The following SLC43A1 variants were observed in gnomAD, a reference collection of about 807,000 sequenced individuals.
The protein encoded by SLC43A1 is large neutral amino acids transporter small subunit 3.
A neutral mutation model predicts 59.5 loss-of-function variants in SLC43A1; 31 were observed. That is an observed-to-expected ratio of 0.52 (90% CI 0.39 to 0.70). The LOEUF (loss-of-function observed/expected upper bound fraction) is 0.70. Among genes scored for constraint, SLC43A1 ranks in the 30% least tolerant of loss-of-function variants. SLC43A1 has a pLI of 0.00. For synonymous variants in SLC43A1, 259 were observed against 290.9 expected (o/e 0.89, Z 1.12); for missense variants, 598 against 717.8 (o/e 0.83, Z 1.91).
At chr11:57,493,905 C>T (rs1279759878) in intron 8 of SLC43A1, 88 bp downstream of exon 8, 8 of 1,326,982 alleles carry the variant, frequency 6.0e-6, no homozygotes, top group East Asian at 5.2e-5. Flanking sequence ...AAGAGGGGTG[C>T]GAATAAATAC....
chr11:57,491,676 C>T, intron 9 of SLC43A1, 40 bp downstream of exon 9: 2 of 1,614,208 alleles, frequency 1.2e-6, no homozygotes, highest in South Asian at 2.2e-5. Flanking sequence ...GGGTGACCCG[C>T]CTGTGCCCCC....
At chr11:57,492,817 GCAT>G (rs1299450205) in intron 8 of SLC43A1, among the ~76,000 whole-genome samples, 1 of 150,374 alleles carries the variant, frequency 6.7e-6, no homozygotes, top group Non-Finnish European at 1.5e-5. Flanking sequence ...TGAGGCAGGA[GCAT>G]CATGAGGTCA....
At chr11:57,492,221 T>A (rs10750864) in intron 8 of SLC43A1, among the ~76,000 whole-genome samples, 94,590 of 130,912 alleles carry the variant, frequency 0.72, 34,330 homozygotes, top group East Asian at 0.88. Flanking sequence ...ATATATATAT[T>A]TATTTATTTA....
At chr11:57,486,994 C>T (rs563272547) in intron 14 of SLC43A1, 101 bp downstream of exon 14, 80 of 1,303,024 alleles carry the variant, frequency 6.1e-5, no homozygotes, top group Non-Finnish European at 8.7e-5. Flanking sequence ...CTCTGAGGTG[C>T]CTCTGGCTGA....
chr11:57,494,925 C>T (rs1051284630), intron 7 of SLC43A1, among the ~76,000 whole-genome samples: 4 of 151,786 alleles, frequency 2.6e-5, no homozygotes, highest in East Asian at 2.0e-4. Context: ...CTCGGCTCAC[C>T]GCAACCTCAG....
Position 57,496,052 on chromosome 11 carries a change from G to A in SLC43A1, c.671C>T (p.Ala224Val). 6.2e-7 allele frequency: 1 copy of A among 1,614,054 alleles called. No individual in the cohort carries two copies. Among genetic ancestry groups the A allele is most frequent in the Non-Finnish European group, 8.5e-7 (1 of 1,179,974 alleles). Residue 224 changes from alanine to valine, a missense_variant, in exon 7 of 15, where the codon GCC (alanine) becomes GTC (valine). Ala to Val is a moderately conservative substitution (Grantham distance 64). Coordinates refer to ENST00000278426, the MANE Select transcript of SLC43A1 (RefSeq NM_003627.6). ...TCACGTGTAATTGACTTCCTCAGGG[G>A]CAGGAAAGGCTTCGATGGGCCAGTT... ...TLNWPIEAFP[A>V]PEEVNYTKKI...
chr11:57,513,934 C>A, intron 2 of SLC43A1, 24 bp downstream of exon 2: 3 of 1,174,548 alleles, frequency 2.6e-6, no homozygotes, highest in East Asian at 2.5e-5. Flanking sequence ...CCCCCCAGCC[C>A]ACCCAGCCCA....
intron 2 of SLC43A1, among the ~76,000 whole-genome samples, chr11:57,510,286 AT>A (rs1024090965): frequency 3.3e-5 from 5 of 151,610 alleles, no homozygotes; most frequent in Non-Finnish European, 7.4e-5. Flanking sequence ...GTGAAACCCC[AT>A]CTCTACTGAA....
rs775099495 is a variant in SLC43A1, at chr11:57,491,823, A to G, written c.911T>C (p.Phe304Ser). ...GCCCATGGTGAGGAGGCTCCACAGG[A>G]AAGTGGGGGAGCAGAGGCTCTTGCG... ...PLRKSLCSPT[F>S]LWSLLTMGMT... The change falls in exon 9 of 15, where the codon TTC becomes TCC. Residue 304 changes from phenylalanine to serine, a missense_variant. By Grantham distance (155) the Phe-to-Ser change is radical (BLOSUM62 -2). Coordinates refer to ENST00000278426, the MANE Select transcript of SLC43A1 (RefSeq NM_003627.6). 6.2e-7 allele frequency: 1 copy of G among 1,614,128 alleles called. No individual in the cohort carries two copies. Among genetic ancestry groups the G allele is most frequent in the Non-Finnish European group, 8.5e-7 (1 of 1,179,984 alleles).
At chr11:57,500,464 C>A (rs1476488654) in intron 5 of SLC43A1, among the ~76,000 whole-genome samples, 1 of 152,164 alleles carries the variant, frequency 6.6e-6, no homozygotes, top group East Asian at 1.9e-4. Context: ...TAACCTCCAG[C>A]AGGGAGGATG....
At chr11:57,508,950 T>C (rs756132361) in intron 2 of SLC43A1, among the ~76,000 whole-genome samples, 20 of 151,974 alleles carry the variant, frequency 1.3e-4, no homozygotes, top group Non-Finnish European at 2.1e-4. Context: ...ACTGCATCTT[T>C]ACTAAAAATA....
chr11:57,509,644 A>AGGAG (rs1242992292), intron 2 of SLC43A1, among the ~76,000 whole-genome samples: 14 of 82,844 alleles, frequency 1.7e-4, no homozygotes, highest in Admixed American at 1.3e-3. Flanking sequence ...GAAGGAAGGA[A>AGGAG]GGAAGGAGGG....
chr11:57,497,719 T>C lies in SLC43A1; in HGVS notation c.558+34A>G, dbSNP rs376203144. 3.2e-6 allele frequency: 5 copies of C among 1,568,432 alleles called. No homozygotes were observed. In the African/African-American group the frequency reaches 6.8e-5, roughly 21 times the overall value. On this transcript the variant is annotated intron_variant, in intron 6 of 14. Transcript: ENST00000278426. ...CACTCGGCCCCACCCGGTTCTTGTG[T>C]CAAGACAAAAAGAAAACCCAGGTGG...
chr11:57,502,715 A>T (rs1944296587), intron 2 of SLC43A1, among the ~76,000 whole-genome samples: 1 of 152,054 alleles, frequency 6.6e-6, no homozygotes, highest in African/African-American at 2.4e-5. Context: ...TACAAAACAA[A>T]TTTTAAAAAT....
At chr11:57,486,041 G>A (rs559397288) in intron 14 of SLC43A1, among the ~76,000 whole-genome samples, 1 of 152,354 alleles carries the variant, frequency 6.6e-6, no homozygotes, top group South Asian at 2.1e-4. Context: ...TACCACTGAG[G>A]GTATCTAAGC....
At chr11:57,499,036 G>A (rs936590514) in intron 5 of SLC43A1, among the ~76,000 whole-genome samples, 1 of 152,102 alleles carries the variant, frequency 6.6e-6, no homozygotes, top group African/African-American at 2.4e-5. Flanking sequence ...TAAAAAAGGC[G>A]TTTAGGCCGG....
At chr11:57,503,919 T>C (rs1473322286) in intron 2 of SLC43A1, among the ~76,000 whole-genome samples, 3 of 152,046 alleles carry the variant, frequency 2.0e-5, no homozygotes, top group Non-Finnish European at 2.9e-5. Flanking sequence ...ATCGGCCAGG[T>C]GCGGTGGCTC....
chr11:57,490,856 C>T (rs913776766), intron 11 of SLC43A1, among the ~76,000 whole-genome samples: 1 of 152,234 alleles, frequency 6.6e-6, no homozygotes, highest in South Asian at 2.1e-4. Context: ...ACCCTTATAA[C>T]ACAGGTTCTG....
rs748016200 is a variant in SLC43A1 at position 57,500,756 on chromosome 11, C to A, written c.465+23G>T. 3.1e-6 allele frequency: 5 copies of A among 1,612,348 alleles called. No individual in the cohort carries two copies. In the South Asian group the frequency reaches 5.5e-5, roughly 18 times the overall value. On this transcript the variant is annotated intron_variant, in intron 5 of 14. Transcript: ENST00000278426. ...ACCCCACTCGGGGGAACTCTGCTGC[C>A]AGGCCAGGCCTGTGACACTCACCGT...
Sources: allele counts gnomAD v4.1 joint callset (sites outside exome capture counted in the v4.1 genomes callset), GRCh38; gene constraint gnomAD v4.1.1; transcripts MANE v1.5; gene names NCBI Gene and HGNC (gene_info 2026-07-23, HGNC 2026-07-21).